Variants in FRMPD2 observed in about 807,000 individuals in gnomAD.
The protein encoded by FRMPD2 is FERM and PDZ domain-containing protein 2.
In FRMPD2, 96 loss-of-function variants were observed where a neutral mutation model predicts 140.1. The observed-to-expected ratio is 0.69, with a 90% CI of 0.58 to 0.81. The LOEUF (loss-of-function observed/expected upper bound fraction) is 0.81, where lower values mean the gene tolerates loss of function less well. Among genes scored for constraint, FRMPD2 ranks in the 40% least tolerant of loss-of-function variants. The pLI is 0.00. For missense variants in FRMPD2, 1,240 were observed against 1,447.4 expected (o/e 0.86, Z 2.32); for synonymous variants, 449 against 547.6 (o/e 0.82, Z 2.52).
chr10:48,229,579 C>T (rs971290226), intron 10 of FRMPD2, among the ~76,000 whole-genome samples: 1 of 151,946 alleles, frequency 6.6e-6, no homozygotes, highest in East Asian at 1.9e-4. Context: ...ATAAGTGGTG[C>T]CAAATCTTTA....
intron 3 of FRMPD2, among the ~76,000 whole-genome samples, chr10:48,247,537 C>A (rs1363329282): frequency 6.6e-6 from 1 of 152,226 alleles, no homozygotes; most frequent in East Asian, 1.9e-4. Context: ...GGCTTCCTAG[C>A]ACTCAGGACT....
chr10:48,234,137 G>A (rs188764613), intron 9 of FRMPD2, among the ~76,000 whole-genome samples: 15 of 152,338 alleles, frequency 9.8e-5, no homozygotes, highest in Admixed American at 7.2e-4. Context: ...TTCACCCTGC[G>A]TGGGGCATGG....
At position 48,157,387 on chromosome 10, in the gene FRMPD2, A is replaced by C; in HGVS notation, c.3882-17T>G. On this transcript the variant is annotated splice_polypyrimidine_tract_variant and intron_variant, in intron 28 of 28. Transcript: ENST00000374201. ...AAGGAATATCTAAGAGAAAAGCACA[A>C]AGATTTAGCAAATACATGGATCCTC... 1.3e-6 allele frequency: 1 copy of C among 759,460 alleles called. No homozygotes were observed. Among genetic ancestry groups the C allele is most frequent in the Non-Finnish European group, 2.4e-6 (1 of 412,814 alleles). The allele number at this position is 759,460 out of a possible 1,614,324, so 47.0% of individuals were successfully genotyped here.
In FRMPD2 at chr10:48,223,287, G is replaced by A; in HGVS notation, c.1169-17C>T. 1 of 1,606,854 alleles carries A rather than the reference G, an allele frequency of 6.2e-7. No individual in the cohort carries two copies. ...ACTCTTTGCCTGAAATGGAAATAGA[G>A]CATGTGTGGAAGGAGAAGCAGTAGG... is the stretch of plus-strand genomic sequence containing the variant. On this transcript the variant is annotated splice_polypyrimidine_tract_variant and intron_variant, in intron 10 of 28. Coordinates refer to ENST00000374201, the MANE Select transcript of FRMPD2 (RefSeq NM_001018071.4).
chr10:48,232,108 T>A lies in FRMPD2; in HGVS notation c.1168+7A>T. The A allele has an allele frequency of 6.2e-7, 1 of 1,614,036 alleles. No homozygotes were observed. Among genetic ancestry groups the A allele is most frequent in the Non-Finnish European group, 8.5e-7 (1 of 1,179,950 alleles). ...GGCCAGCTGTGAGCTGCCCAAGAGA[T>A]GCTTACTTTTCATATACGCCAAGCC... On this transcript the variant is annotated splice_region_variant and intron_variant, in intron 10 of 28. Transcript: ENST00000374201.
intron 17 of FRMPD2, among the ~76,000 whole-genome samples, chr10:48,186,266 A>T (rs1257578675): frequency 6.6e-6 from 1 of 152,198 alleles, no homozygotes; most frequent in Non-Finnish European, 1.5e-5. Context: ...CCACCACTTC[A>T]GTCCTTCCAT....
chr10:48,218,794 A>T (rs1446910632), intron 12 of FRMPD2, among the ~76,000 whole-genome samples: 3 of 152,238 alleles, frequency 2.0e-5, no homozygotes, highest in African/African-American at 7.2e-5. Context: ...TACTGACATC[A>T]TGTGAGTTCC....
intron 10 of FRMPD2, among the ~76,000 whole-genome samples, chr10:48,229,051 A>G (rs1287574204): frequency 6.6e-6 from 1 of 152,062 alleles, no homozygotes; most frequent in Non-Finnish European, 1.5e-5. Context: ...CTTGTGCAAA[A>G]CTATTATTTT....
At chr10:48,230,660 A>G (rs1839829325) in intron 10 of FRMPD2, among the ~76,000 whole-genome samples, 1 of 152,362 alleles carries the variant, frequency 6.6e-6, no homozygotes, top group East Asian at 1.9e-4. Context: ...TTCTAAAGGA[A>G]GGTGAAAATT....
At chr10:48,237,097 A>G (rs1051724144) in intron 8 of FRMPD2, among the ~76,000 whole-genome samples, 3 of 151,008 alleles carry the variant, frequency 2.0e-5, no homozygotes, top group African/African-American at 7.4e-5. Flanking sequence ...CCCATTTTAC[A>G]GGTGAGGAAG....
At chr10:48,175,038 C>T (rs1388310408) in intron 23 of FRMPD2, 83 bp from the exon 24 acceptor site, 13 of 631,638 alleles carry the variant, frequency 2.1e-5, no homozygotes, top group Non-Finnish European at 2.9e-5. Flanking sequence ...TGCCCGGCAC[C>T]CCTCCATGCA....
chr10:48,234,487 G>T (rs1839921864), intron 9 of FRMPD2, among the ~76,000 whole-genome samples: 1 of 152,096 alleles, frequency 6.6e-6, no homozygotes, highest in Non-Finnish European at 1.5e-5. Flanking sequence ...AGAAGGAAAG[G>T]GTGTGTGTAC....
intron 9 of FRMPD2, among the ~76,000 whole-genome samples, chr10:48,234,714 C>T (rs1839927174): frequency 6.6e-6 from 1 of 152,122 alleles, no homozygotes; most frequent in South Asian, 2.1e-4. Context: ...CACCCTCATA[C>T]CCTTCTTGCA....
intron 9 of FRMPD2, among the ~76,000 whole-genome samples, chr10:48,235,067 C>G (rs1382717439): frequency 6.6e-6 from 1 of 152,110 alleles, no homozygotes; most frequent in Non-Finnish European, 1.5e-5. Context: ...AGAGGTGGGA[C>G]TGGGCTGAGG....
chr10:48,211,842 T>C, intron 13 of FRMPD2, 112 bp downstream of exon 13: 1 of 974,024 alleles, frequency 1.0e-6, no homozygotes, highest in South Asian at 2.2e-5. Flanking sequence ...CCCTTGCTCA[T>C]GCCTCCTTGT....
At chr10:48,204,175 T>C (rs1383514311) in intron 14 of FRMPD2, among the ~76,000 whole-genome samples, 3 of 152,190 alleles carry the variant, frequency 2.0e-5, no homozygotes, top group Non-Finnish European at 4.4e-5. Context: ...CAGGAAGTTT[T>C]TGCACTCATC....
At chr10:48,230,522 C>T (rs1224911678) in intron 10 of FRMPD2, among the ~76,000 whole-genome samples, 1 of 152,210 alleles carries the variant, frequency 6.6e-6, no homozygotes, top group African/African-American at 2.4e-5. Context: ...ACGTGGTCAA[C>T]CACTATTCTT....
chr10:48,269,800 G>A (rs897238370), intron 1 of FRMPD2, among the ~76,000 whole-genome samples: 5 of 152,208 alleles, frequency 3.3e-5, no homozygotes, highest in African/African-American at 1.2e-4. Context: ...ACAGACCCAG[G>A]AGACCTGCTG....
chr10:48,240,132 A>C (rs1840069745), intron 6 of FRMPD2, among the ~76,000 whole-genome samples: 1 of 152,172 alleles, frequency 6.6e-6, no homozygotes, highest in Admixed American at 6.5e-5. Context: ...CTCATTTTTA[A>C]AGTTTTCATT....
Sources: allele counts gnomAD v4.1 joint callset (sites outside exome capture counted in the v4.1 genomes callset), GRCh38; gene constraint gnomAD v4.1.1; transcripts MANE v1.5; gene names NCBI Gene and HGNC (gene_info 2026-07-23, HGNC 2026-07-21).